The following ZNF445 variants were observed in gnomAD, a reference collection of about 807,000 sequenced individuals.
ZNF445 encodes zinc finger protein 445.
A neutral mutation model predicts 93.9 loss-of-function variants in ZNF445; 19 were observed. The ratio of observed to expected loss-of-function variants is 0.20; its 90% CI spans 0.14 to 0.30. ZNF445 has a LOEUF of 0.30. Ranked by LOEUF, ZNF445 falls within the 10% of genes least tolerant of loss-of-function variation. The probability of loss-of-function intolerance (pLI) is 1.00; values close to 1 mark genes in which losing one functional copy is unlikely to be tolerated. For missense variants in ZNF445, 1,058 were observed against 1,259.4 expected (o/e 0.84, Z 2.42); for synonymous variants, 449 against 446.3 (o/e 1.01, Z -0.08).
At chr3:44,460,660 C>A (rs1307948325) in intron 1 of ZNF445, among the ~76,000 whole-genome samples, 4 of 152,114 alleles carry the variant, frequency 2.6e-5, no homozygotes, top group Non-Finnish European at 5.9e-5. Context: ...TCACTGGCTT[C>A]CCCCCATCCA....
In ZNF445 at chr3:44,440,338, C is replaced by T. The variant is rs976888203; in HGVS notation, c.*6237G>A. 9 of 152,156 alleles carry T rather than the reference C, an allele frequency of 5.9e-5. No homozygotes were observed. The highest frequency in any genetic ancestry group is 1.2e-4 in the Non-Finnish European group (8 of 68,026). 9.4% of individuals were successfully genotyped at this position (152,156 alleles called of 1,614,324 possible). A position where few individuals can be genotyped will look rare whatever the true frequency, so the allele number is the denominator to read the frequency against. On this transcript the variant is annotated 3_prime_UTR_variant, in exon 8 of 8. Transcript: ENST00000396077. ...TCATCTAATAAAGTAGAATGAAAAA[C>T]ATCTCCATCTTCTGGATCCCATTTC...
intron 1 of ZNF445, among the ~76,000 whole-genome samples, chr3:44,474,023 A>C (rs1051195355): frequency 6.6e-6 from 1 of 152,254 alleles, no homozygotes; most frequent in Non-Finnish European, 1.5e-5. Flanking sequence ...CCAACACCAC[A>C]GTAGTCATTG....
At position 44,446,773 on chromosome 3, in the gene ZNF445, A is replaced by G; in HGVS notation, c.2898T>C (p.Thr966=). The G allele has an allele frequency of 6.2e-7, 1 of 1,614,216 alleles. No homozygotes were observed. Among genetic ancestry groups the G allele is most frequent in the Non-Finnish European group, 8.5e-7 (1 of 1,180,036 alleles). ...TCCCAATGCTTATGTCCTGGAGTCC[A>G]GTGAGCCTGGAGCTCTGGCTGCAAG... is the stretch of plus-strand genomic sequence containing the variant. The part of the protein sequence containing the change: ...KEACSQSSRL[T]GLQDISIGKK... Residue 966 remains threonine (T), a synonymous_variant, in exon 8 of 8, where the codon ACT becomes ACC. Transcript: ENST00000396077. This position sits in a 1 kb window ranked among gnomAD's most constrained non-coding sequence, Gnocchi z 4.2.
chr3:44,460,996 G>T (rs73829651), intron 1 of ZNF445, among the ~76,000 whole-genome samples: 3 of 152,156 alleles, frequency 2.0e-5, no homozygotes, highest in Admixed American at 6.5e-5. Flanking sequence ...CTCTACTGGC[G>T]GGGCACTGCT....
intron 1 of ZNF445, among the ~76,000 whole-genome samples, chr3:44,466,750 TTAGAA>T (rs767924594): frequency 1.8e-4 from 28 of 152,204 alleles, no homozygotes; most frequent in Non-Finnish European, 3.7e-4. Context: ...GATTGTAACA[TTAGAA>T]TAAACACTTT....
chr3:44,460,017 C>T (rs1698087523), intron 1 of ZNF445, among the ~76,000 whole-genome samples: 1 of 152,098 alleles, frequency 6.6e-6, no homozygotes, highest in Admixed American at 6.6e-5. Context: ...GCTTGGGCAA[C>T]ACAGCAAGAC....
chr3:44,456,342 G>A (rs565463610), intron 2 of ZNF445, among the ~76,000 whole-genome samples: 11 of 152,238 alleles, frequency 7.2e-5, no homozygotes, highest in East Asian at 1.9e-4. Flanking sequence ...ACTTGAACCC[G>A]GGAGGCAGAG....
intron 1 of ZNF445, among the ~76,000 whole-genome samples, chr3:44,468,682 C>T (rs1386188971): frequency 6.9e-6 from 1 of 145,500 alleles, no homozygotes; most frequent in Non-Finnish European, 1.5e-5. Context: ...TCCACCCCCT[C>T]CCCCCGAGGA....
At position 44,435,329 on chromosome 3, in the gene ZNF445, T is replaced by A. The variant is rs947097763; in HGVS notation, c.*11246A>T. The A allele has an allele frequency of 2.6e-5, 4 of 152,222 alleles. No individual in the cohort carries two copies. The highest frequency in any genetic ancestry group is 4.4e-5 in the Non-Finnish European group (3 of 68,042). 9.4% of individuals were successfully genotyped at this position (152,222 alleles called of 1,614,324 possible). On this transcript the variant is annotated 3_prime_UTR_variant, in exon 8 of 8. Coordinates refer to ENST00000396077, the MANE Select transcript of ZNF445 (RefSeq NM_181489.6). ...AAAACCCATGTCACAGTGATTGATT[T>A]ACTGTGTGAGAACAGAACAAACCTG...
Position 44,436,329 on chromosome 3 carries a change from C to A in ZNF445, c.*10246G>T, listed in dbSNP as rs2125673560. On this transcript the variant is annotated 3_prime_UTR_variant, in exon 8 of 8. Transcript: ENST00000396077. ...TTGGCTGCACTGTCCATGGCAGTCA[C>A]CACACCAATTGTGTTTTTGGTGACT... The A allele has an allele frequency of 6.6e-6, 1 of 152,322 alleles. No homozygotes were observed. Among genetic ancestry groups the A allele is most frequent in the South Asian group, 2.1e-4 (1 of 4,824 alleles). 9.4% of individuals were successfully genotyped at this position (152,322 alleles called of 1,614,324 possible).
Position 44,448,420 on chromosome 3 carries a change from A to C in ZNF445, c.1251T>G (p.Cys417Trp). Residue 417 changes from cysteine to tryptophan, a missense_variant, in exon 8 of 8, where the codon TGT (cysteine) becomes TGG (tryptophan). Cys to Trp is a radical substitution (Grantham distance 215). This residue lies in a region of ZNF445 where 657 missense variants were observed against 746.4 expected (regional missense o/e 0.88). Transcript: ENST00000396077. ...GTGAACTCATTCTGAAGTGTTTGCC[A>C]CAGCCATGTTTAAGGGATTCCTTTC... ...SGRKESLKHG[C>W]GKHFRMSSHH... 1 of 1,614,200 alleles carries C rather than the reference A, an allele frequency of 6.2e-7. No individual in the cohort carries two copies. Among genetic ancestry groups the C allele is most frequent in the Non-Finnish European group, 8.5e-7 (1 of 1,180,038 alleles).
intron 1 of ZNF445, among the ~76,000 whole-genome samples, chr3:44,463,778 T>C (rs1185311254): frequency 6.6e-6 from 1 of 152,094 alleles, no homozygotes; most frequent in Non-Finnish European, 1.5e-5. Flanking sequence ...GATGGGCTGA[T>C]TACAAAATGG....
chr3:44,435,877 G>C lies in ZNF445; in HGVS notation c.*10698C>G, dbSNP rs1030283248. On this transcript the variant is annotated 3_prime_UTR_variant, in exon 8 of 8. Coordinates refer to ENST00000396077, the MANE Select transcript of ZNF445 (RefSeq NM_181489.6). ...CTCTGAGGAACCATGGTGGCATTTT[G>C]AGTCTCCTGTAATTACTGCTAGTTC... 1 of 152,170 alleles carries C rather than the reference G, an allele frequency of 6.6e-6. No homozygotes were observed. The highest frequency in any genetic ancestry group is 1.5e-5 in the Non-Finnish European group (1 of 68,038). The allele number at this position is 152,170 out of a possible 1,614,324, so 9.4% of individuals were successfully genotyped here. A position where few individuals can be genotyped will look rare whatever the true frequency, so the allele number is the denominator to read the frequency against.
At chr3:44,474,357 A>G (rs1168125105) in intron 1 of ZNF445, among the ~76,000 whole-genome samples, 1 of 152,162 alleles carries the variant, frequency 6.6e-6, no homozygotes, top group Admixed American at 6.5e-5. Context: ...TCTACTAAAA[A>G]TACAAAATTA....
In ZNF445 at chr3:44,448,451, G is replaced by A; in HGVS notation, c.1220C>T (p.Ser407Phe). 2 of 1,613,900 alleles carry A rather than the reference G, an allele frequency of 1.2e-6. No individual in the cohort carries two copies. The highest frequency in any genetic ancestry group is 2.2e-5 in the South Asian group (2 of 91,038). ...DLKHVTYLRVSGRKESLKHGC... is the reference protein window; with the variant it reads ...DLKHVTYLRVFGRKESLKHGC... ...ATGTTTAAGGGATTCCTTTCTTCCA[G>A]AAACTCTCAAATATGTAACATGTTT... The change falls in exon 8 of 8, where the codon TCT (serine) becomes TTT (phenylalanine). Residue 407 changes from serine to phenylalanine, a missense_variant. By Grantham distance (155) the Ser-to-Phe change is radical. Coordinates refer to ENST00000396077, the MANE Select transcript of ZNF445 (RefSeq NM_181489.6).
chr3:44,462,438 C>T (rs1233005753), intron 1 of ZNF445, among the ~76,000 whole-genome samples: 2 of 152,182 alleles, frequency 1.3e-5, no homozygotes, highest in Non-Finnish European at 2.9e-5. Context: ...TCTCTAGCCT[C>T]CTTCTGGGAA....
intron 1 of ZNF445, among the ~76,000 whole-genome samples, chr3:44,477,272 T>C (rs1698375070): frequency 6.6e-6 from 1 of 152,196 alleles, no homozygotes; most frequent in South Asian, 2.1e-4. Context: ...TGCGGCTACT[T>C]TTACTTTTCT....
rs1697948829 is a variant in ZNF445, at chr3:44,450,962, T to A, written c.599A>T (p.Asp200Val). The A allele has an allele frequency of 1.3e-6, 2 of 1,584,320 alleles. No homozygotes were observed. The highest frequency in any genetic ancestry group is 1.7e-6 in the Non-Finnish European group (2 of 1,166,276). Residue 200 changes from aspartate to valine, a missense_variant and splice_region_variant, in exon 5 of 8, where the codon GAT (aspartate) becomes GTT (valine). Physicochemically the swap from Asp to Val is radical, Grantham distance 152. Around this residue, in one of 3 missense-constraint regions of ZNF445, gnomAD observed 657 missense variants for 746.4 expected, o/e 0.88. Coordinates refer to ENST00000396077, the MANE Select transcript of ZNF445 (RefSeq NM_181489.6). Reference sequence around the variant, plus strand: ...GGCAGGCATCTGGGCAGCAGGAGTATCTGAAGGAGAAAAAGCCATGAGAGA... The same window carrying A: ...GGCAGGCATCTGGGCAGCAGGAGTAACTGAAGGAGAAAAAGCCATGAGAGA... ...EARDFLAGQS[D>V]TPAAQMPALF...
intron 1 of ZNF445, among the ~76,000 whole-genome samples, chr3:44,476,409 A>G (rs556022821): frequency 6.6e-6 from 1 of 152,024 alleles, no homozygotes; most frequent in East Asian, 1.9e-4. Context: ...GCCTTTCATT[A>G]AGATAACATA....
Sources: allele counts gnomAD v4.1 joint callset (sites outside exome capture counted in the v4.1 genomes callset), GRCh38; gene constraint gnomAD v4.1.1; regional missense constraint gnomAD v4.1.1; non-coding constraint Gnocchi (gnomAD v3.1); transcripts MANE v1.5; gene names NCBI Gene and HGNC (gene_info 2026-07-23, HGNC 2026-07-21).